Variants in ZFHX3 observed in about 807,000 individuals in gnomAD.
The protein encoded by ZFHX3 is zinc finger homeobox protein 3.
Under a neutral mutation model 279.1 loss-of-function variants are expected in ZFHX3, and 42 were observed. The ratio of observed to expected loss-of-function variants is 0.15; its 90% CI spans 0.12 to 0.19. The LOEUF (loss-of-function observed/expected upper bound fraction) is 0.19. Among genes scored for constraint, ZFHX3 ranks in the 10% least tolerant of loss-of-function variants. The pLI is 1.00. For synonymous variants in ZFHX3, 2,293 were observed against 1,957.8 expected (o/e 1.17, Z -4.52); for missense variants, 4,981 against 4,754.0 (o/e 1.05, Z -1.40).
chr16:73,038,434 C>T (rs1303406851), intron 1 of ZFHX3, among the ~76,000 whole-genome samples: 2 of 150,680 alleles, frequency 1.3e-5, no homozygotes, highest in East Asian at 3.9e-4. Flanking sequence ...CAGTAGAAAA[C>T]GACCTGACGT....
intron 2 of ZFHX3, among the ~76,000 whole-genome samples, chr16:73,492,520 A>G (rs1187958870): frequency 6.6e-6 from 1 of 152,210 alleles, no homozygotes; most frequent in Non-Finnish European, 1.5e-5. Context: ...AAAGTGAGGG[A>G]TCTAGAATCA....
intron 2 of ZFHX3, among the ~76,000 whole-genome samples, chr16:73,657,618 C>A (rs1254187711): frequency 1.3e-5 from 2 of 152,144 alleles, no homozygotes; most frequent in African/African-American, 4.8e-5. Context: ...CTTTCTCCCC[C>A]AGTCCTAGTC....
At chr16:73,735,297 T>C (rs2053600059) in intron 1 of ZFHX3, among the ~76,000 whole-genome samples, 1 of 149,424 alleles carries the variant, frequency 6.7e-6, no homozygotes, top group Non-Finnish European at 1.5e-5. Context: ...TAAGGTTTGA[T>C]GATAAAACCT....
At chr16:73,542,306 A>G (rs187399081) in intron 2 of ZFHX3, among the ~76,000 whole-genome samples, 9 of 152,222 alleles carry the variant, frequency 5.9e-5, no homozygotes, top group East Asian at 5.8e-4. Context: ...GACTGGGCTG[A>G]GATGTTTGAA....
chr16:73,604,684 G>A (rs1191707163), intron 2 of ZFHX3, among the ~76,000 whole-genome samples: 6 of 151,352 alleles, frequency 4.0e-5, no homozygotes, highest in African/African-American at 1.2e-4. Context: ...GGCGGAGGTA[G>A]CAGTGGGCAG....
intron 1 of ZFHX3, among the ~76,000 whole-genome samples, chr16:73,018,307 T>TA (rs1964180016): frequency 6.7e-6 from 1 of 150,240 alleles, no homozygotes; most frequent in Non-Finnish European, 1.5e-5. Flanking sequence ...TTTGATCTTA[T>TA]AAAATAAATT....
chr16:73,821,590 C>T (rs902566179), intron 1 of ZFHX3, among the ~76,000 whole-genome samples: 22 of 152,234 alleles, frequency 1.4e-4, no homozygotes, highest in African/African-American at 5.1e-4. Context: ...CAGCGTGGTG[C>T]TGGCACACAG....
rs149020271 is a variant in ZFHX3, at chr16:73,188,887, G to T, written c.-1103-45056C>A. 2.0e-5 allele frequency among the ~76,000 whole-genome samples: 3 copies of T among 147,396 alleles called. No individual in the cohort carries two copies. In the East Asian group the frequency reaches 6.0e-4, roughly 29 times the overall value. On this transcript the variant is annotated intron_variant, in intron 5 of 17. Coordinates refer to the ZFHX3 transcript ENST00000641206. ...TTTTCTTTTTTTTTTTTTTTGAGAT[G>T]GAGTCTTGCTCTTTTGCCCAGGCTG...
At chr16:73,008,221 C>G (rs1963785190) in intron 1 of ZFHX3, among the ~76,000 whole-genome samples, 1 of 151,892 alleles carries the variant, frequency 6.6e-6, no homozygotes, top group Non-Finnish European at 1.5e-5. Context: ...CAAATGTGCC[C>G]CTGAATATAA....
intron 1 of ZFHX3, among the ~76,000 whole-genome samples, chr16:73,891,169 A>T (rs1239971378): frequency 6.6e-6 from 1 of 152,020 alleles, no homozygotes; most frequent in African/African-American, 2.4e-5. Flanking sequence ...TAATATAAAA[A>T]AGTCACAGCA....
chr16:73,427,647 G>A (rs1050862487), intron 3 of ZFHX3, among the ~76,000 whole-genome samples: 1 of 152,106 alleles, frequency 6.6e-6, no homozygotes, highest in Non-Finnish European at 1.5e-5. Context: ...CATTAAGATA[G>A]GTACTTGGCT....
chr16:73,855,526 G>A (rs1461156671), intron 1 of ZFHX3, among the ~76,000 whole-genome samples: 1 of 151,904 alleles, frequency 6.6e-6, no homozygotes, highest in Non-Finnish European at 1.5e-5. Context: ...AGGAGGAGGA[G>A]GAATATTCCT....
chr16:73,450,170 G>T (rs570182655), intron 3 of ZFHX3, among the ~76,000 whole-genome samples: 1 of 152,246 alleles, frequency 6.6e-6, no homozygotes, highest in Admixed American at 6.5e-5. Flanking sequence ...GGGGGTGAAG[G>T]TACCTTAAAT....
At chr16:73,195,057 C>T (rs1968114428) in intron 5 of ZFHX3, among the ~76,000 whole-genome samples, 1 of 152,192 alleles carries the variant, frequency 6.6e-6, no homozygotes, top group Non-Finnish European at 1.5e-5. Flanking sequence ...GTTTCATTTT[C>T]AGGTTAGACA....
intron 2 of ZFHX3, among the ~76,000 whole-genome samples, chr16:73,582,843 T>C (rs902455712): frequency 6.6e-6 from 1 of 151,402 alleles, no homozygotes; most frequent in African/African-American, 2.5e-5. Context: ...TATAAGATGA[T>C]ACTCAGCAAG....
At chr16:73,297,823 G>C (rs1226876250) in intron 4 of ZFHX3, among the ~76,000 whole-genome samples, 1 of 151,916 alleles carries the variant, frequency 6.6e-6, no homozygotes, top group Non-Finnish European at 1.5e-5. Context: ...TTATCTTGTA[G>C]AGTTGTTCAG....
intron 5 of ZFHX3, among the ~76,000 whole-genome samples, chr16:73,235,859 C>G (rs892374452): frequency 1.3e-5 from 2 of 152,018 alleles, no homozygotes; most frequent in African/African-American, 4.8e-5. Flanking sequence ...TTTGAAGCCA[C>G]CAGGTTTCAC....
Position 73,611,548 on chromosome 16 carries a change from C to A in ZFHX3, c.-1547+68632G>T, listed in dbSNP as rs190480836. ...TTAAATAAAATTAAACTAGATGAAT[C>A]TCAACTTCTGAAGCATAAGGTGATA... On this transcript the variant is annotated intron_variant, in intron 2 of 17. Transcript: ENST00000641206. Among the ~76,000 whole-genome samples, 134 of 152,160 alleles carry A rather than the reference C, an allele frequency of 8.8e-4. 1 individual carries two copies. The highest frequency in any genetic ancestry group is 1.8e-3 in the Non-Finnish European group (120 of 68,002).
intron 1 of ZFHX3, among the ~76,000 whole-genome samples, chr16:73,735,570 G>T (rs1488891253): frequency 1.4e-4 from 22 of 151,998 alleles, no homozygotes; most frequent in Admixed American, 1.4e-3. Context: ...GAAATAACCT[G>T]GTTTGCAACA....
Sources: allele counts gnomAD v4.1 joint callset (sites outside exome capture counted in the v4.1 genomes callset), GRCh38; gene constraint gnomAD v4.1.1; transcripts MANE v1.5; gene names NCBI Gene and HGNC (gene_info 2026-07-23, HGNC 2026-07-21).